Variants in TSEN15 observed in about 807,000 individuals in gnomAD.
TSEN15 encodes the protein tRNA-splicing endonuclease subunit Sen15.
Under a neutral mutation model 20.5 loss-of-function variants are expected in TSEN15, and 10 were observed. The observed-to-expected ratio is 0.49, with a 90% CI of 0.30 to 0.83. The LOEUF (loss-of-function observed/expected upper bound fraction) is 0.83, where lower values mean the gene tolerates loss of function less well. Ranked by LOEUF, TSEN15 falls within the 40% of genes least tolerant of loss-of-function variation. The pLI is 0.06. For synonymous variants in TSEN15, 72 were observed against 80.1 expected (o/e 0.90, Z 0.54); for missense variants, 180 against 218.6 (o/e 0.82, Z 1.11).
intron 3 of TSEN15, among the ~76,000 whole-genome samples, chr1:184,081,607 G>A (rs1354382434): frequency 6.6e-6 from 1 of 152,162 alleles, no homozygotes; most frequent in African/African-American, 2.4e-5. Context: ...GGAGAGAGCC[G>A]GCAGGTAGAT....
intron 3 of TSEN15, among the ~76,000 whole-genome samples, chr1:184,092,474 T>C (rs1651377746): frequency 6.6e-6 from 1 of 152,192 alleles, no homozygotes; most frequent in Non-Finnish European, 1.5e-5. Flanking sequence ...GAAACATACA[T>C]TGCTATAAAT....
intron 3 of TSEN15, among the ~76,000 whole-genome samples, chr1:184,055,419 A>G (rs969817018): frequency 2.6e-5 from 4 of 152,222 alleles, no homozygotes; most frequent in African/African-American, 9.6e-5. Flanking sequence ...ACAAATATAC[A>G]AAGTATATCA....
chr1:184,055,050 C>T, intron 3 of TSEN15, 187 bp downstream of exon 3: 1 of 552,580 alleles, frequency 1.8e-6, no homozygotes, highest in East Asian at 3.0e-5. Flanking sequence ...AAAGAAATAC[C>T]TGAGACTGAG....
chr1:184,088,289 A>G (rs548952907), intron 3 of TSEN15, among the ~76,000 whole-genome samples: 2 of 152,304 alleles, frequency 1.3e-5, no homozygotes, highest in South Asian at 4.2e-4. Context: ...TGAGGGGAGT[A>G]GGAAGGGGAA....
chr1:184,072,287 C>T lies in TSEN15; in HGVS notation c.484C>T (p.Pro162Ser). The stretch of plus-strand genomic sequence containing the variant: ...TAAACTTACTGATGGATTTATGCTG[C>T]CAGACCCTCAGGTCAGTTTTGAGGT... The part of the protein sequence containing the change: ...YYKLTDGFML[P>S]DPQNISLRR Residue 162 changes from proline to serine, a missense_variant, in exon 4 of 5, where the codon CCA (proline) becomes TCA (serine). By Grantham distance (74) the Pro-to-Ser change is moderately conservative. Transcript: ENST00000645668. 6.2e-7 allele frequency: 1 copy of T among 1,607,254 alleles called. No individual in the cohort carries two copies. Among genetic ancestry groups the T allele is most frequent in the Admixed American group, 1.7e-5 (1 of 58,908 alleles).
At chr1:184,058,197 G>A in intron 3 of TSEN15, 1 of 431,086 alleles carries the variant, frequency 2.3e-6, no homozygotes, top group South Asian at 1.8e-5. Flanking sequence ...AATGGCTAAA[G>A]CTTGTTTTCT....
At chr1:184,057,371 G>A (rs1198293192) in intron 3 of TSEN15, among the ~76,000 whole-genome samples, 1 of 152,118 alleles carries the variant, frequency 6.6e-6, no homozygotes, top group African/African-American at 2.4e-5. Context: ...TGGCATATAA[G>A]TAGGGAAAAG....
At chr1:184,081,151 T>G (rs1349357721) in intron 3 of TSEN15, among the ~76,000 whole-genome samples, 4 of 152,340 alleles carry the variant, frequency 2.6e-5, no homozygotes, top group Non-Finnish European at 4.4e-5. Context: ...AACTACACTT[T>G]GAGTGGCATG....
At chr1:184,075,722 T>C (rs536668803), downstream of TSEN15, among the ~76,000 whole-genome samples, 4 of 152,046 alleles carry the variant, frequency 2.6e-5, no homozygotes, top group Admixed American at 6.6e-5. Flanking sequence ...GGAAATAGCA[T>C]AAATAAAAAT....
intron 3 of TSEN15, chr1:184,093,708 C>T (rs781007395): frequency 2.6e-5 from 4 of 152,084 alleles, no homozygotes; most frequent in East Asian, 3.9e-4. Context: ...AATCCCTTAA[C>T]GTCTTCATTG....
At chr1:184,078,466 G>T (rs1289476536), downstream of TSEN15, among the ~76,000 whole-genome samples, 4 of 152,104 alleles carry the variant, frequency 2.6e-5, no homozygotes, top group Non-Finnish European at 5.9e-5. Flanking sequence ...TAAAAGAGGT[G>T]CCCTCTTTAG....
chr1:184,070,541 C>A, intron 3 of TSEN15: 1 of 591,892 alleles, frequency 1.7e-6, no homozygotes, highest in South Asian at 2.1e-5. Context: ...TCTTCTTTGC[C>A]ATCTTTGTAG....
intron 3 of TSEN15, chr1:184,093,873 A>G (rs755888866): frequency 6.6e-6 from 1 of 152,196 alleles, no homozygotes; most frequent in Non-Finnish European, 1.5e-5. Flanking sequence ...AATTGAAACT[A>G]TTTATAGGCT....
rs1650055133 is a variant in TSEN15 at position 184,051,813 on chromosome 1, G to C, written c.58G>C (p.Gly20Arg). The C allele has an allele frequency of 6.5e-7, 1 of 1,542,036 alleles. No homozygotes were observed. Among genetic ancestry groups the C allele is most frequent in the East Asian group, 2.5e-5 (1 of 40,244 alleles). ...CGGCTGCAGCGGCCTGGGTCCGGGC[G>C]GTGTTCGCGGCTTTGGCGACGGCGG... The part of the protein sequence containing the change: ...TPGCSGLGPG[G>R]VRGFGDGGGA... The change falls in exon 1 of 5, where the codon GGT (glycine) becomes CGT (arginine). Residue 20 changes from glycine to arginine, a missense_variant. By Grantham distance (125) the Gly-to-Arg change is moderately radical (BLOSUM62 -2). Transcript: ENST00000645668.
intron 3 of TSEN15, among the ~76,000 whole-genome samples, chr1:184,056,018 AT>A (rs1650239691): frequency 1.3e-5 from 2 of 152,042 alleles, no homozygotes; most frequent in Admixed American, 1.3e-4. Flanking sequence ...TATACACTTA[AT>A]ATTATATTAC....
Position 184,057,204 on chromosome 1 carries a change from G to A in TSEN15, c.353+2341G>A, listed in dbSNP as rs187919956. ...GAAAGTCTGAAAATAGAAAAGAGAT[G>A]ACAATTATTGATGGAGCAAGATTCT... On this transcript the variant is annotated intron_variant, in intron 3 of 4. Coordinates refer to ENST00000645668, the MANE Select transcript of TSEN15 (RefSeq NM_052965.4). Among the ~76,000 whole-genome samples, 59 of 152,232 alleles carry A rather than the reference G, an allele frequency of 3.9e-4. 1 individual carries two copies. Among genetic ancestry groups the A allele is most frequent in the Admixed American group, 2.0e-3 (30 of 15,278 alleles).
At chr1:184,069,931 C>T (rs1470566905) in intron 3 of TSEN15, among the ~76,000 whole-genome samples, 7 of 151,900 alleles carry the variant, frequency 4.6e-5, no homozygotes, top group African/African-American at 9.7e-5. Flanking sequence ...TCACAATCAC[C>T]GCCCCCTCCA....
At chr1:184,069,091 A>T (rs1650792741) in intron 3 of TSEN15, among the ~76,000 whole-genome samples, 2 of 152,206 alleles carry the variant, frequency 1.3e-5, no homozygotes, top group Non-Finnish European at 2.9e-5. Context: ...GGTATTAGCC[A>T]AATAGTGTTA....
chr1:184,076,350 T>A (rs1344110256), downstream of TSEN15, among the ~76,000 whole-genome samples: 2 of 152,074 alleles, frequency 1.3e-5, no homozygotes, highest in Non-Finnish European at 2.9e-5. Flanking sequence ...GTGCCACAAA[T>A]TGTGCCCATA....
Sources: gnomAD v4.1 joint callset for allele counts (sites outside exome capture counted in the v4.1 genomes callset) on GRCh38, gnomAD v4.1.1 for gene constraint, MANE v1.5 for transcripts, NCBI Gene and HGNC (gene_info 2026-07-23, HGNC 2026-07-21) for gene names.